The following TMPRSS2 variants were observed in gnomAD, a reference collection of about 807,000 sequenced individuals.
TMPRSS2 encodes transmembrane protease serine 2.
TMPRSS2 carries 59 observed loss-of-function variants against 67.4 expected under a neutral mutation model. The ratio of observed to expected loss-of-function variants is 0.88; its 90% CI spans 0.71 to 1.09. The LOEUF is 1.09. TMPRSS2 is among the 50% of genes least tolerant of loss of function. The probability of loss-of-function intolerance (pLI) is 0.00; values close to 1 mark genes in which losing one functional copy is unlikely to be tolerated. For missense variants in TMPRSS2, 668 were observed against 642.7 expected (o/e 1.04, Z -0.43); for synonymous variants, 257 against 257.0 (o/e 1.00, Z 0.00).
chr21:41,471,943 C>T lies in TMPRSS2; in HGVS notation c.938G>A (p.Gly313Glu), dbSNP rs1428648646. The part of the protein sequence containing the change: ...NNPWHWTAFA[G>E]ILRQSFMFYG... ...GAACATGAAAGATTGTCTCAAAATC[C>T]CCGCAAATGCCGTCCAATGCCATGG... The change falls in exon 10 of 14, where the codon GGG (glycine) becomes GAG (glutamate). Residue 313 changes from glycine (G) to glutamate (E), a missense_variant. Physicochemically the swap from Gly to Glu is moderately conservative, Grantham distance 98. Coordinates refer to ENST00000332149, the MANE Select transcript of TMPRSS2 (RefSeq NM_005656.4). 6.2e-7 allele frequency: 1 copy of T among 1,612,552 alleles called. No individual in the cohort carries two copies. Among genetic ancestry groups the T allele is most frequent in the Admixed American group, 1.7e-5 (1 of 59,936 alleles).
chr21:41,476,472 A>G (rs1345677700), intron 8 of TMPRSS2, 105 bp downstream of exon 8: 3 of 1,188,236 alleles, frequency 2.5e-6, no homozygotes, highest in East Asian at 2.4e-5. Context: ...CCGTGACCCC[A>G]CCTTCTTCCC....
chr21:41,471,719 T>G, intron 10 of TMPRSS2, 87 bp downstream of exon 10: 2 of 1,449,538 alleles, frequency 1.4e-6, no homozygotes, highest in Non-Finnish European at 1.9e-6. Context: ...ATGCCTCCCT[T>G]CCATTTGGCA....
At chr21:41,507,841 G>A (rs900525810) in intron 1 of TMPRSS2, 1 of 1,246,214 alleles carries the variant, frequency 8.0e-7, no homozygotes, top group Non-Finnish European at 1.1e-6. Flanking sequence ...CAGGGGCGGC[G>A]AGGGCTCTCG....
At position 41,478,599 on chromosome 21, in the gene TMPRSS2, C is replaced by T. The variant is rs1376649922; in HGVS notation, c.683+573G>A. ...CATCATGTGACCTGTGGCTTGTACC[C>T]ACTTCTACCCCCTGGAAACACCACA... On this transcript the variant is annotated intron_variant, in intron 7 of 13. Transcript: ENST00000332149. This position sits in a 1 kb window ranked among gnomAD's most constrained non-coding sequence, Gnocchi z 4.0. 1.3e-5 allele frequency among the ~76,000 whole-genome samples: 2 copies of T among 152,198 alleles called. No individual in the cohort carries two copies. The highest frequency in any genetic ancestry group is 2.4e-5 in the African/African-American group (1 of 41,446).
In TMPRSS2 at chr21:41,492,195, A is replaced by AAAAC. The variant is rs1169394115; in HGVS notation, c.238+2157_238+2160dup. On this transcript the variant is annotated intron_variant, in intron 3 of 13. Transcript: ENST00000332149. ...GTGACAGAGCGAGACTTTGTCTCAA[A>AAAAC]AAACAAACAAACAAACAAACAACAA... Among the ~76,000 whole-genome samples, 277 of 150,640 alleles carry AAAAC rather than the reference A, an allele frequency of 1.8e-3. 1 individual carries two copies. The highest frequency in any genetic ancestry group is 2.0e-3 in the Non-Finnish European group (132 of 67,600).
At chr21:41,470,854 G>A in intron 10 of TMPRSS2, 111 bp from the exon 11 acceptor site, 2 of 747,710 alleles carry the variant, frequency 2.7e-6, no homozygotes, top group South Asian at 1.9e-5. Context: ...CCTGCCCAGA[G>A]GACCCTGCAT....
At chr21:41,503,032 A>G (rs2091434470) in intron 1 of TMPRSS2, among the ~76,000 whole-genome samples, 1 of 152,242 alleles carries the variant, frequency 6.6e-6, no homozygotes, top group South Asian at 2.1e-4. Flanking sequence ...TGAGGGATAC[A>G]AGATCAATAT....
intron 12 of TMPRSS2, 60 bp from the exon 13 acceptor site, chr21:41,467,946 C>T (rs1361153854): frequency 1.2e-6 from 2 of 1,601,698 alleles, no homozygotes; most frequent in East Asian, 4.5e-5. Context: ...CCGCACACCA[C>T]TGACCAGGCC....
Position 41,471,884 on chromosome 21 carries a change from A to T in TMPRSS2, c.997T>A (p.Ser333Thr). ...GAGYQVEKVI[S>T]HPNYDSKTKN... ...GTCTTGGAGTCATAATTTGGATGAG[A>T]AATCACTTTTTCTACTTGGTATCCG... The change falls in exon 10 of 14, where the codon TCT becomes ACT. Residue 333 changes from serine to threonine, a missense_variant. By Grantham distance (58) the Ser-to-Thr change is moderately conservative (BLOSUM62 1). Coordinates refer to ENST00000332149, the MANE Select transcript of TMPRSS2 (RefSeq NM_005656.4). 6.2e-7 allele frequency: 1 copy of T among 1,613,588 alleles called. No homozygotes were observed. Among genetic ancestry groups the T allele is most frequent in the South Asian group, 1.1e-5 (1 of 91,080 alleles).
At chr21:41,480,665 G>A in intron 5 of TMPRSS2, 63 bp from the exon 6 acceptor site, 1 of 1,571,790 alleles carries the variant, frequency 6.4e-7, no homozygotes, top group Non-Finnish European at 8.6e-7. Flanking sequence ...TTGAGACGGA[G>A]TCTCGCTCTG....
At chr21:41,506,560 C>G (rs2091459568) in intron 1 of TMPRSS2, 1 of 152,308 alleles carries the variant, frequency 6.6e-6, no homozygotes, top group Non-Finnish European at 1.5e-5. Context: ...TCCCGGTTAC[C>G]TAGCCCACCA....
chr21:41,471,165 T>A (rs1281395825), intron 10 of TMPRSS2, among the ~76,000 whole-genome samples: 2 of 152,176 alleles, frequency 1.3e-5, no homozygotes, highest in Non-Finnish European at 2.9e-5. Context: ...AATACAGACA[T>A]GCTGTAGGGA....
intron 2 of TMPRSS2, among the ~76,000 whole-genome samples, chr21:41,495,682 G>T (rs1017500859): frequency 6.6e-6 from 1 of 151,798 alleles, no homozygotes; most frequent in East Asian, 1.9e-4. Context: ...ATGAAAAATG[G>T]GTCCTTCAAA....
In TMPRSS2 at chr21:41,467,858, G is replaced by A. The variant is rs773001010; in HGVS notation, c.1343C>T (p.Ser448Leu). 2.9e-5 allele frequency: 46 copies of A among 1,614,026 alleles called. No individual in the cohort carries two copies. Among genetic ancestry groups the A allele is most frequent in the African/African-American group, 9.3e-5 (7 of 74,898 alleles). ...TATCAGCCACCAGATATTGTTCTTC[G>A]AAGTGACCAGAGGCCCTCCACTGTC... ...QGDSGGPLVT[S>L]KNNIWWLIGD... The change falls in exon 13 of 14, where the codon TCG (serine) becomes TTG (leucine). Residue 448 changes from serine (S) to leucine (L), a missense_variant. Physicochemically the swap from Ser to Leu is moderately radical, Grantham distance 145. Coordinates refer to ENST00000332149, the MANE Select transcript of TMPRSS2 (RefSeq NM_005656.4).
At chr21:41,471,153 T>C (rs1432719008) in intron 10 of TMPRSS2, among the ~76,000 whole-genome samples, 1 of 152,216 alleles carries the variant, frequency 6.6e-6, no homozygotes, top group African/African-American at 2.4e-5. Context: ...TTTCCCAATG[T>C]GAATACAGAC....
rs191693032 is a variant in TMPRSS2 at position 41,488,610 on chromosome 21, A to G, written c.326-97T>C. 2.5e-5 allele frequency: 34 copies of G among 1,334,310 alleles called. No homozygotes were observed. In the East Asian group the frequency reaches 8.3e-4, roughly 33 times the overall value. 82.7% of individuals were successfully genotyped at this position (1,334,310 alleles called of 1,614,324 possible). ...CCGTGGCATTACTGTAGCTCGCTGCAGCCTCCAACTCCTGGCCCCACTGTG... is the reference window on the plus strand; with the variant it reads ...CCGTGGCATTACTGTAGCTCGCTGCGGCCTCCAACTCCTGGCCCCACTGTG... On this transcript the variant is annotated intron_variant, in intron 4 of 13. Transcript: ENST00000332149.
chr21:41,480,701 T>C (rs923744379), intron 5 of TMPRSS2, 99 bp from the exon 6 acceptor site: 1 of 1,500,730 alleles, frequency 6.7e-7, no homozygotes. Flanking sequence ...TGCAGTGGTC[T>C]GATCTCCACT....
rs1048240805 is a variant in TMPRSS2 at position 41,465,215 on chromosome 21, A to T, written c.*927T>A. ...AGACATCAAAAGCTAAGTTTCCAGG[A>T]GCACTGAGGTAGCAATGTGTAGAAA... On this transcript the variant is annotated 3_prime_UTR_variant, in exon 14 of 14. Transcript: ENST00000332149. The T allele has an allele frequency of 4.3e-6, 1 of 233,666 alleles. No homozygotes were observed. Among genetic ancestry groups the T allele is most frequent in the Admixed American group, 5.6e-5 (1 of 17,790 alleles). 14.5% of individuals were successfully genotyped at this position (233,666 alleles called of 1,614,324 possible).
intron 8 of TMPRSS2, 134 bp from the exon 9 acceptor site, chr21:41,473,630 G>A (rs2091155565): frequency 1.0e-6 from 1 of 958,846 alleles, no homozygotes. Flanking sequence ...ATGGACTTAG[G>A]GGGCTCCTGG....
Sources: gnomAD v4.1 joint callset for allele counts (sites outside exome capture counted in the v4.1 genomes callset) on GRCh38, gnomAD v4.1.1 for gene constraint, Gnocchi (gnomAD v3.1) non-coding constraint, MANE v1.5 for transcripts, NCBI Gene and HGNC (gene_info 2026-07-23, HGNC 2026-07-21) for gene names.